Variants in MIPOL1 observed in about 807,000 individuals in gnomAD.
The protein encoded by MIPOL1 is mirror-image polydactyly gene 1 protein.
A neutral mutation model predicts 60.9 loss-of-function variants in MIPOL1; 57 were observed. The observed-to-expected ratio is 0.94, with a 90% CI of 0.76 to 1.17. The LOEUF (loss-of-function observed/expected upper bound fraction) is 1.17. Among genes scored for constraint, MIPOL1 ranks in the 50% most tolerant of loss-of-function variants. The probability of loss-of-function intolerance (pLI) is 0.00; values close to 1 mark genes in which losing one functional copy is unlikely to be tolerated. For synonymous variants in MIPOL1, 179 were observed against 168.8 expected, an observed-to-expected ratio of 1.06 and a Z score of -0.47; for missense variants, 551 against 511.6, an observed-to-expected ratio of 1.08 and a Z score of -0.74.
At chr14:37,215,128 C>CT (rs1967401970) in intron 1 of MIPOL1, among the ~76,000 whole-genome samples, 1 of 152,108 alleles carries the variant, frequency 6.6e-6, no homozygotes, top group African/African-American at 2.4e-5. Flanking sequence ...ATGGCGTAAG[C>CT]TGTCTTCTCT....
At chr14:37,351,757 T>C (rs2091406359) in intron 9 of MIPOL1, among the ~76,000 whole-genome samples, 1 of 116,738 alleles carries the variant, frequency 8.6e-6, no homozygotes, top group African/African-American at 3.2e-5. Context: ...GATGGGGTTG[T>C]TTGTTTTTTT....
At chr14:37,546,871 T>TC (rs1566802400) in intron 12 of MIPOL1, 34 bp from the exon 13 acceptor site, 1 of 1,579,684 alleles carries the variant, frequency 6.3e-7, no homozygotes. Flanking sequence ...GCCCTTTTTT[T>TC]CCCCTTCTCA....
intron 6 of MIPOL1, chr14:37,278,350 G>A (rs1243588617): frequency 6.6e-6 from 1 of 151,632 alleles, no homozygotes; most frequent in Non-Finnish European, 1.5e-5. Context: ...GAATATATAT[G>A]TGGTGGTTTT....
chr14:37,413,757 T>G (rs902755791), intron 10 of MIPOL1, among the ~76,000 whole-genome samples: 2 of 152,120 alleles, frequency 1.3e-5, no homozygotes, highest in Non-Finnish European at 2.9e-5. Context: ...CAACATCTGG[T>G]TGGAGTGAGG....
Position 37,332,159 on chromosome 14 carries a change from T to G in MIPOL1, c.828+23640T>G, listed in dbSNP as rs534477021. Among the ~76,000 whole-genome samples, 11 of 152,062 alleles carry G rather than the reference T, an allele frequency of 7.2e-5. No homozygotes were observed. The East Asian group carries it at 1.9e-3, about 27-fold the overall frequency. ...CTCAAAAAAAAAAAGGCACTTTCAG[T>G]TTTTTCCTATTCTATATGATTCTAG... On this transcript the variant is annotated intron_variant, in intron 9 of 12. Transcript: ENST00000684589.
intron 7 of MIPOL1, among the ~76,000 whole-genome samples, chr14:37,286,298 G>T (rs985618837): frequency 6.6e-6 from 1 of 152,168 alleles, no homozygotes; most frequent in East Asian, 1.9e-4. Context: ...CAATGCCCTA[G>T]AAATATGTAC....
rs141964229 is a variant in MIPOL1, at chr14:37,236,461, T to A, written c.-198-10642T>A. On this transcript the variant is annotated intron_variant, in intron 1 of 12. Coordinates refer to ENST00000684589, the MANE Select transcript of MIPOL1 (RefSeq NM_001388067.1). ...TTTCTAAATTATTATTATTATTATT[T>A]TTGAGACCCTTGTCGCCCAGGCTGG... is the stretch of plus-strand genomic sequence containing the variant. Among the ~76,000 whole-genome samples the A allele has an allele frequency of 4.2e-3, 637 of 151,810 alleles. 4 individuals carry two copies. Among genetic ancestry groups the A allele is most frequent in the African/African-American group, 0.014 (592 of 41,382 alleles).
At chr14:37,417,246 C>T (rs1010673189) in intron 10 of MIPOL1, among the ~76,000 whole-genome samples, 1 of 152,168 alleles carries the variant, frequency 6.6e-6, no homozygotes, top group African/African-American at 2.4e-5. Flanking sequence ...GCTCACTGCC[C>T]ATGAATCAGT....
In MIPOL1 at chr14:37,497,388, C is replaced by G. The variant is rs1024877985; in HGVS notation, c.1032-2520C>G. On this transcript the variant is annotated intron_variant, in intron 11 of 12. Coordinates refer to ENST00000684589, the MANE Select transcript of MIPOL1 (RefSeq NM_001388067.1). Reference sequence around the variant, plus strand: ...GCAAATGCTGAATTCCCAAACGAAGCTGTCTCACTGAGTTTTAAATTAGGC... The same window carrying G: ...GCAAATGCTGAATTCCCAAACGAAGGTGTCTCACTGAGTTTTAAATTAGGC... 2.0e-5 allele frequency among the ~76,000 whole-genome samples: 3 copies of G among 152,198 alleles called. No individual in the cohort carries two copies. The South Asian group carries it at 6.2e-4, about 31-fold the overall frequency.
chr14:37,258,663 G>A (rs1045102236), intron 3 of MIPOL1, among the ~76,000 whole-genome samples: 4 of 152,008 alleles, frequency 2.6e-5, no homozygotes, highest in Admixed American at 6.6e-5. Context: ...AGGATATTAC[G>A]CTATTATATT....
intron 10 of MIPOL1, among the ~76,000 whole-genome samples, chr14:37,421,046 A>G (rs2093864705): frequency 6.6e-6 from 1 of 152,182 alleles, no homozygotes; most frequent in African/African-American, 2.4e-5. Flanking sequence ...GAACTGTTAT[A>G]AAGCAACCAA....
chr14:37,315,780 G>A (rs879569966), intron 9 of MIPOL1, among the ~76,000 whole-genome samples: 12 of 152,044 alleles, frequency 7.9e-5, no homozygotes, highest in Non-Finnish European at 1.8e-4. Flanking sequence ...GCAGTTACTT[G>A]GTTATTGCAG....
At chr14:37,534,995 T>G (rs1055633370) in intron 12 of MIPOL1, among the ~76,000 whole-genome samples, 3 of 152,136 alleles carry the variant, frequency 2.0e-5, no homozygotes, top group Non-Finnish European at 4.4e-5. Flanking sequence ...AATCCAAAAC[T>G]TGAAATAAAA....
chr14:37,538,376 A>G (rs569601608), intron 12 of MIPOL1, among the ~76,000 whole-genome samples: 87 of 152,330 alleles, frequency 5.7e-4, no homozygotes, highest in African/African-American at 1.5e-3. Context: ...GCTTTTCTCT[A>G]TACTTTATCT....
At chr14:37,204,047 G>T (rs1433290357) in intron 1 of MIPOL1, among the ~76,000 whole-genome samples, 4 of 152,048 alleles carry the variant, frequency 2.6e-5, no homozygotes, top group Non-Finnish European at 5.9e-5. Flanking sequence ...CTCTCAAAGT[G>T]CTGGGATTAC....
At chr14:37,226,185 A>G (rs1422336565) in intron 1 of MIPOL1, among the ~76,000 whole-genome samples, 2 of 151,872 alleles carry the variant, frequency 1.3e-5, no homozygotes, top group Non-Finnish European at 2.9e-5. Flanking sequence ...AACTGTTCCA[A>G]CCCCTGAGTA....
chr14:37,500,599 G>A (rs1385391414), intron 12 of MIPOL1, among the ~76,000 whole-genome samples: 2 of 152,134 alleles, frequency 1.3e-5, no homozygotes, highest in Non-Finnish European at 2.9e-5. Flanking sequence ...TTCTTCTGAA[G>A]TATTCAATAC....
At chr14:37,499,047 C>G (rs911044890) in intron 11 of MIPOL1, among the ~76,000 whole-genome samples, 1 of 152,026 alleles carries the variant, frequency 6.6e-6, no homozygotes, top group Non-Finnish European at 1.5e-5. Flanking sequence ...TATGCATATA[C>G]TGAAATGATA....
intron 11 of MIPOL1, among the ~76,000 whole-genome samples, chr14:37,488,498 G>A (rs1258075629): frequency 6.6e-6 from 1 of 152,056 alleles, no homozygotes; most frequent in East Asian, 1.9e-4. Context: ...ATAAATCTGG[G>A]TGCTCCTGTG....
Sources: gnomAD v4.1 joint callset for allele counts (sites outside exome capture counted in the v4.1 genomes callset) on GRCh38, gnomAD v4.1.1 for gene constraint, MANE v1.5 for transcripts, NCBI Gene and HGNC (gene_info 2026-07-23, HGNC 2026-07-21) for gene names.